Variants in PTPRK observed in about 807,000 individuals in gnomAD.
PTPRK encodes receptor-type tyrosine-protein phosphatase kappa.
Under a neutral mutation model 178.0 loss-of-function variants are expected in PTPRK, and 75 were observed. That is an observed-to-expected ratio of 0.42 (90% CI 0.35 to 0.51). PTPRK has a LOEUF of 0.51. Among genes scored for constraint, PTPRK ranks in the 20% least tolerant of loss-of-function variants. The pLI, the probability that PTPRK is intolerant of heterozygous loss-of-function variation, is 0.02. For synonymous variants in PTPRK, 637 were observed against 620.6 expected (o/e 1.03, Z -0.39); for missense variants, 1,441 against 1,797.8 (o/e 0.80, Z 3.59).
At chr6:128,325,562 A>T (rs1055149203) in intron 2 of PTPRK, among the ~76,000 whole-genome samples, 3 of 150,574 alleles carry the variant, frequency 2.0e-5, no homozygotes, top group Non-Finnish European at 3.0e-5. Flanking sequence ...CAACAAACAT[A>T]AAAAAAAAGG....
intron 3 of PTPRK, among the ~76,000 whole-genome samples, chr6:128,270,265 A>C (rs530612056): frequency 6.6e-6 from 1 of 152,276 alleles, no homozygotes; most frequent in African/African-American, 2.4e-5. Flanking sequence ...TTGAGCAGTA[A>C]GATTATATTC....
At chr6:128,423,379 A>G (rs186494699) in intron 1 of PTPRK, among the ~76,000 whole-genome samples, 121 of 152,102 alleles carry the variant, frequency 8.0e-4, no homozygotes, top group African/African-American at 2.9e-3. Flanking sequence ...TGTTGAATCT[A>G]TATTTGTTTT....
At chr6:128,379,821 C>T (rs985631480) in intron 2 of PTPRK, among the ~76,000 whole-genome samples, 4 of 152,140 alleles carry the variant, frequency 2.6e-5, no homozygotes, top group African/African-American at 4.8e-5. Flanking sequence ...AGGGCATTCA[C>T]TTTAGGAATG....
chr6:128,275,279 C>T (rs1314710264), intron 3 of PTPRK, among the ~76,000 whole-genome samples: 2 of 152,020 alleles, frequency 1.3e-5, no homozygotes, highest in Admixed American at 6.6e-5. Flanking sequence ...ATAAACAATG[C>T]TGCAAATATT....
At chr6:128,060,370 C>T (rs1780605282) in intron 13 of PTPRK, among the ~76,000 whole-genome samples, 1 of 152,122 alleles carries the variant, frequency 6.6e-6, no homozygotes, top group Non-Finnish European at 1.5e-5. Context: ...TCTTATGCTA[C>T]TTAGTTATGT....
chr6:128,172,198 A>G (rs1422602969), intron 7 of PTPRK, among the ~76,000 whole-genome samples: 1 of 152,012 alleles, frequency 6.6e-6, no homozygotes, highest in Non-Finnish European at 1.5e-5. Context: ...AGCTTAGGGA[A>G]TGAATCACTA....
intron 15 of PTPRK, among the ~76,000 whole-genome samples, chr6:128,001,933 G>A (rs1402441391): frequency 6.6e-6 from 1 of 151,764 alleles, no homozygotes; most frequent in African/African-American, 2.4e-5. Context: ...ATTTTCAGAG[G>A]CATCTGATGT....
chr6:128,251,557 A>G (rs1388767025), intron 3 of PTPRK, among the ~76,000 whole-genome samples: 1 of 152,182 alleles, frequency 6.6e-6, no homozygotes, highest in South Asian at 2.1e-4. Flanking sequence ...AGGGCTCCAG[A>G]GATTCTAAAT....
In PTPRK at chr6:128,319,730, C is replaced by T. The variant is rs1562276110; in HGVS notation, c.495+2309G>A. ...ACAGGTATTGATTTGACTTTGAAAG[C>T]TATCAAAATGTATGGGAGATTTAAT... is the stretch of plus-strand genomic sequence containing the variant. On this transcript the variant is annotated intron_variant, in intron 3 of 29. Transcript: ENST00000368226. Among the ~76,000 whole-genome samples, 3 of 152,196 alleles carry T rather than the reference C, an allele frequency of 2.0e-5. No individual in the cohort carries two copies. In the South Asian group the frequency reaches 6.2e-4, roughly 32 times the overall value.
chr6:128,034,987 C>T (rs1479576748), intron 13 of PTPRK, among the ~76,000 whole-genome samples: 2 of 152,166 alleles, frequency 1.3e-5, no homozygotes, highest in East Asian at 1.9e-4. Flanking sequence ...ACTTAGTTTA[C>T]ATCCATTTAT....
Position 127,969,607 on chromosome 6 carries a change from A to T in PTPRK, c.*620T>A, listed in dbSNP as rs1244860941. 6.6e-6 allele frequency: 1 copy of T among 152,190 alleles called. No individual in the cohort carries two copies. The allele number at this position is 152,190 out of a possible 1,614,324, so 9.4% of individuals were successfully genotyped here. ...ATCAAAAAAGGAATGTAAGTAACCA[A>T]TAAATATAATGTGCTTTCTCCATAT... On this transcript the variant is annotated 3_prime_UTR_variant, in exon 30 of 30. Transcript: ENST00000368226.
At chr6:128,162,157 A>G (rs189405764) in intron 7 of PTPRK, among the ~76,000 whole-genome samples, 55 of 151,798 alleles carry the variant, frequency 3.6e-4, no homozygotes, top group Admixed American at 1.3e-3. Flanking sequence ...TTTGATGTTT[A>G]TCTATTATGT....
chr6:127,977,957 G>A (rs1357757902), intron 25 of PTPRK, among the ~76,000 whole-genome samples: 1 of 152,104 alleles, frequency 6.6e-6, no homozygotes, highest in East Asian at 1.9e-4. Flanking sequence ...CAATGATCTT[G>A]TAACTCATTT....
intron 1 of PTPRK, among the ~76,000 whole-genome samples, chr6:128,424,449 T>A (rs1843863269): frequency 6.6e-6 from 1 of 152,094 alleles, no homozygotes. Flanking sequence ...CTATTCTCAG[T>A]CGTATAAAAT....
At chr6:128,459,405 T>C (rs1848758793) in intron 1 of PTPRK, among the ~76,000 whole-genome samples, 1 of 152,134 alleles carries the variant, frequency 6.6e-6, no homozygotes, top group Non-Finnish European at 1.5e-5. Context: ...AAGTTTCACC[T>C]TGAAAGCCAT....
intron 7 of PTPRK, among the ~76,000 whole-genome samples, chr6:128,111,096 G>A (rs926889330): frequency 6.6e-6 from 1 of 152,124 alleles, no homozygotes; most frequent in Admixed American, 6.6e-5. Flanking sequence ...AGCAAGTGAT[G>A]TCCTATCGGT....
chr6:128,505,107 GTT>G (rs34899985), intron 1 of PTPRK, among the ~76,000 whole-genome samples: 6 of 135,374 alleles, frequency 4.4e-5, no homozygotes, highest in Admixed American at 7.5e-5. Flanking sequence ...AAATTTACTT[GTT>G]TTTTTTTTTT....
At chr6:128,432,223 A>C (rs1040242497) in intron 1 of PTPRK, among the ~76,000 whole-genome samples, 6 of 152,268 alleles carry the variant, frequency 3.9e-5, no homozygotes, top group Non-Finnish European at 8.8e-5. Context: ...AGACTGTGAT[A>C]ACTTCTTATT....
chr6:128,244,739 C>T (rs956247077), intron 3 of PTPRK, among the ~76,000 whole-genome samples: 7 of 152,140 alleles, frequency 4.6e-5, no homozygotes, highest in African/African-American at 1.2e-4. Context: ...GACTGAAAAC[C>T]TCTAGTAGGA....
Sources: gnomAD v4.1 joint callset for allele counts (sites outside exome capture counted in the v4.1 genomes callset) on GRCh38, gnomAD v4.1.1 for gene constraint, MANE v1.5 for transcripts, NCBI Gene and HGNC (gene_info 2026-07-23, HGNC 2026-07-21) for gene names.